Variants in ANKS1B observed in about 807,000 individuals in gnomAD.
The protein encoded by ANKS1B is ankyrin repeat and sterile alpha motif domain-containing protein 1B.
In ANKS1B, 36 loss-of-function variants were observed where a neutral mutation model predicts 148.3. That is an observed-to-expected ratio of 0.24 (90% CI 0.19 to 0.32). The LOEUF (loss-of-function observed/expected upper bound fraction) is 0.32, where lower values mean the gene tolerates loss of function less well. Ranked by LOEUF, ANKS1B falls within the 10% of genes least tolerant of loss-of-function variation. The pLI, the probability that ANKS1B is intolerant of heterozygous loss-of-function variation, is 1.00. For missense variants in ANKS1B, 1,157 were observed against 1,542.6 expected (o/e 0.75, Z 4.19); for synonymous variants, 542 against 560.8 (o/e 0.97, Z 0.47).
intron 11 of ANKS1B, among the ~76,000 whole-genome samples, chr12:99,432,260 T>C (rs993083605): frequency 3.3e-5 from 5 of 152,236 alleles, no homozygotes; most frequent in African/African-American, 1.2e-4. Flanking sequence ...TGTTCCATTA[T>C]AGCGACACAA....
chr12:99,874,146 C>G (rs1384251607), intron 1 of ANKS1B, among the ~76,000 whole-genome samples: 1 of 151,844 alleles, frequency 6.6e-6, no homozygotes, highest in East Asian at 1.9e-4. Flanking sequence ...TCTAACCTCA[C>G]TTTATTATAT....
intron 15 of ANKS1B, among the ~76,000 whole-genome samples, chr12:99,098,714 C>T (rs368805443): frequency 1.7e-5 from 2 of 115,898 alleles, no homozygotes; most frequent in Non-Finnish European, 3.3e-5. Flanking sequence ...TGGAAATAGT[C>T]TATTCTGAAA....
At chr12:99,430,255 A>T (rs979857589) in intron 11 of ANKS1B, among the ~76,000 whole-genome samples, 1 of 152,194 alleles carries the variant, frequency 6.6e-6, no homozygotes, top group African/African-American at 2.4e-5. Flanking sequence ...TAATCAAGTC[A>T]AAAGAATTAA....
chr12:99,897,948 T>C (rs778133833), intron 1 of ANKS1B, among the ~76,000 whole-genome samples: 3 of 141,188 alleles, frequency 2.1e-5, no homozygotes, highest in Non-Finnish European at 4.9e-5. Context: ...TAAGATTAAG[T>C]AGGTGAAACT....
chr12:99,891,242 A>G (rs2093087382), intron 1 of ANKS1B, among the ~76,000 whole-genome samples: 1 of 152,238 alleles, frequency 6.6e-6, no homozygotes, highest in Admixed American at 6.5e-5. Context: ...CTTACCAGCA[A>G]TGAAGGTTCC....
chr12:99,053,788 T>C (rs990063836), intron 16 of ANKS1B, among the ~76,000 whole-genome samples: 1 of 152,128 alleles, frequency 6.6e-6, no homozygotes, highest in African/African-American at 2.4e-5. Flanking sequence ...GTATTGGAGG[T>C]AGTGCAAACA....
At chr12:99,067,756 A>G (rs1479041606) in intron 16 of ANKS1B, among the ~76,000 whole-genome samples, 1 of 152,154 alleles carries the variant, frequency 6.6e-6, no homozygotes, top group African/African-American at 2.4e-5. Context: ...TTTATAGTTA[A>G]GGGATAATCT....
chr12:99,521,748 C>G (rs1221318398), intron 9 of ANKS1B, among the ~76,000 whole-genome samples: 2 of 152,180 alleles, frequency 1.3e-5, no homozygotes, highest in Non-Finnish European at 2.9e-5. Flanking sequence ...CTCTCTCTCT[C>G]TGCTGAGCCA....
At chr12:99,322,422 C>T (rs182560891) in intron 12 of ANKS1B, among the ~76,000 whole-genome samples, 37 of 145,940 alleles carry the variant, frequency 2.5e-4, no homozygotes, top group African/African-American at 8.1e-4. Flanking sequence ...CCATGACACA[C>T]GTATACTCAT....
intron 9 of ANKS1B, among the ~76,000 whole-genome samples, chr12:99,627,252 T>G (rs1166543730): frequency 6.6e-6 from 1 of 152,206 alleles, no homozygotes; most frequent in Non-Finnish European, 1.5e-5. Context: ...TACCTTTTTA[T>G]GTTTACTTAT....
chr12:99,253,290 T>A (rs1322927756), intron 12 of ANKS1B, among the ~76,000 whole-genome samples: 1 of 151,330 alleles, frequency 6.6e-6, no homozygotes, highest in Non-Finnish European at 1.5e-5. Context: ...ACTTTGAATG[T>A]AATAGAATAG....
intron 12 of ANKS1B, among the ~76,000 whole-genome samples, chr12:99,325,563 CA>C (rs34705394): frequency 0.076 from 11,554 of 152,152 alleles, 1,024 homozygotes; most frequent in African/African-American, 0.22. Context: ...ATGCCATAGA[CA>C]TCTAAATTTG....
chr12:98,972,591 C>A (rs1250225882), intron 17 of ANKS1B, among the ~76,000 whole-genome samples: 1 of 152,166 alleles, frequency 6.6e-6, no homozygotes, highest in African/African-American at 2.4e-5. Context: ...GGGCTTCCGA[C>A]GCCACTTTCT....
intron 12 of ANKS1B, among the ~76,000 whole-genome samples, chr12:99,311,826 T>C (rs978140777): frequency 3.3e-5 from 5 of 152,148 alleles, no homozygotes; most frequent in African/African-American, 7.2e-5. Context: ...TTTATTGTTA[T>C]ATATATTTCA....
chr12:99,983,246 C>A (rs911046024), intron 1 of ANKS1B, among the ~76,000 whole-genome samples: 1 of 152,152 alleles, frequency 6.6e-6, no homozygotes, highest in South Asian at 2.1e-4. Context: ...TTCCTCCCTC[C>A]CAGTTGATTT....
At chr12:99,855,941 A>T (rs1297537257) in intron 1 of ANKS1B, among the ~76,000 whole-genome samples, 1 of 152,140 alleles carries the variant, frequency 6.6e-6, no homozygotes, top group Non-Finnish European at 1.5e-5. Flanking sequence ...CATAGCATTA[A>T]ATACCTACAT....
chr12:98,769,165 CTTTT>C (rs1182264550), intron 25 of ANKS1B, among the ~76,000 whole-genome samples: 5 of 41,232 alleles, frequency 1.2e-4, no homozygotes, highest in Admixed American at 4.3e-4. Context: ...GTCTTCTTTA[CTTTT>C]TTTTTTTTTT....
At chr12:99,364,059 T>C (rs1004264992) in intron 12 of ANKS1B, among the ~76,000 whole-genome samples, 5 of 152,094 alleles carry the variant, frequency 3.3e-5, no homozygotes, top group Non-Finnish European at 7.4e-5. Context: ...TACATGTAAA[T>C]TGACTTCTGT....
intron 12 of ANKS1B, among the ~76,000 whole-genome samples, chr12:99,363,563 G>A (rs974362885): frequency 5.9e-5 from 9 of 152,022 alleles, no homozygotes. Flanking sequence ...TACCACACAG[G>A]TCATGAAGCT....
Sources: gnomAD v4.1 joint callset for allele counts (sites outside exome capture counted in the v4.1 genomes callset) on GRCh38, gnomAD v4.1.1 for gene constraint, MANE v1.5 for transcripts, NCBI Gene and HGNC (gene_info 2026-07-23, HGNC 2026-07-21) for gene names.